The following CPEB4 variants were observed in gnomAD, a reference collection of about 807,000 sequenced individuals.
The protein encoded by CPEB4 is cytoplasmic polyadenylation element-binding protein 4.
CPEB4 carries 12 observed loss-of-function variants against 72.5 expected under a neutral mutation model. That is an observed-to-expected ratio of 0.17 (90% CI 0.11 to 0.27). CPEB4 has a LOEUF of 0.27. CPEB4 is among the 10% of genes least tolerant of loss of function. CPEB4 has a pLI of 1.00. For synonymous variants in CPEB4, 302 were observed against 326.3 expected (o/e 0.93, Z 0.80); for missense variants, 614 against 908.5 (o/e 0.68, Z 4.17).
In CPEB4 at chr5:173,943,594, G is replaced by A. The variant is rs1177870416; in HGVS notation, c.1282+545G>A. Among the ~76,000 whole-genome samples, 2 of 152,070 alleles carry A rather than the reference G, an allele frequency of 1.3e-5. 1 individual carries two copies. The highest frequency in any genetic ancestry group is 4.1e-4 in the South Asian group (2 of 4,832). On this transcript the variant is annotated intron_variant, in intron 4 of 9. Transcript: ENST00000265085. Reference sequence around the variant, plus strand: ...TTAGGTAATTCTAAAGAATCATTTCGTAGAGGTACCTGAATAACTTATTCT... The same window carrying A: ...TTAGGTAATTCTAAAGAATCATTTCATAGAGGTACCTGAATAACTTATTCT...
intron 5 of CPEB4, among the ~76,000 whole-genome samples, chr5:173,947,698 T>C (rs1395311706): frequency 1.3e-5 from 2 of 152,086 alleles, no homozygotes; most frequent in Admixed American, 6.6e-5. Context: ...ACAGAAATAG[T>C]TATAAATTTG....
intron 2 of CPEB4, among the ~76,000 whole-genome samples, chr5:173,931,454 T>C (rs1757444202): frequency 6.6e-6 from 1 of 152,204 alleles, no homozygotes; most frequent in African/African-American, 2.4e-5. Flanking sequence ...TCCTGATTTA[T>C]AGAAGGTGGG....
At chr5:173,894,745 G>T (rs556405845) in intron 1 of CPEB4, among the ~76,000 whole-genome samples, 180 of 151,894 alleles carry the variant, frequency 1.2e-3, no homozygotes, top group Non-Finnish European at 2.3e-3. Flanking sequence ...TCACAGACAA[G>T]ATTTGGCTCT....
At chr5:173,902,602 G>A (rs1407083547) in intron 1 of CPEB4, among the ~76,000 whole-genome samples, 1 of 152,106 alleles carries the variant, frequency 6.6e-6, no homozygotes, top group Non-Finnish European at 1.5e-5. Flanking sequence ...CAGCATCCAA[G>A]ACAAAAATGT....
intron 2 of CPEB4, among the ~76,000 whole-genome samples, chr5:173,911,858 A>AGGC (rs1756676630): frequency 6.6e-6 from 1 of 152,142 alleles, no homozygotes; most frequent in Non-Finnish European, 1.5e-5. Flanking sequence ...AAAGGTGACA[A>AGGC]GGCAGCCTGT....
chr5:173,945,814 T>C (rs1386437636), intron 5 of CPEB4, among the ~76,000 whole-genome samples: 1 of 152,212 alleles, frequency 6.6e-6, no homozygotes, highest in Non-Finnish European at 1.5e-5. Context: ...ATATTTAAGC[T>C]GAGACCTGAA....
intron 3 of CPEB4, among the ~76,000 whole-genome samples, chr5:173,937,184 A>G (rs1195263799): frequency 1.3e-5 from 2 of 151,978 alleles, no homozygotes; most frequent in African/African-American, 4.8e-5. Context: ...CTGAGATTAC[A>G]GGCACCTGCC....
chr5:173,928,296 G>A (rs939037296), intron 2 of CPEB4, among the ~76,000 whole-genome samples: 3 of 152,146 alleles, frequency 2.0e-5, no homozygotes, highest in African/African-American at 7.2e-5. Context: ...AACTTTGGGT[G>A]TAACAAATGT....
At chr5:173,898,005 G>T (rs1299287245) in intron 1 of CPEB4, among the ~76,000 whole-genome samples, 1 of 152,094 alleles carries the variant, frequency 6.6e-6, no homozygotes, top group African/African-American at 2.4e-5. Flanking sequence ...GCTCATTCAT[G>T]TTTACAAATG....
At chr5:173,915,734 C>G (rs796303420) in intron 2 of CPEB4, among the ~76,000 whole-genome samples, 8 of 152,250 alleles carry the variant, frequency 5.3e-5, no homozygotes, top group Admixed American at 2.0e-4. Flanking sequence ...AATATTGTAT[C>G]TTATTGTTAT....
chr5:173,893,573 GAA>G (rs35655795), intron 1 of CPEB4, among the ~76,000 whole-genome samples: 1 of 150,666 alleles, frequency 6.6e-6, no homozygotes, highest in Non-Finnish European at 1.5e-5. Context: ...TCTCACAGGG[GAA>G]AAAAAAAGAA....
At chr5:173,903,452 C>T (rs190019603) in intron 1 of CPEB4, among the ~76,000 whole-genome samples, 6 of 152,290 alleles carry the variant, frequency 3.9e-5, no homozygotes, top group South Asian at 2.1e-4. Flanking sequence ...TGCTTAACTC[C>T]GTGGTTCTCA....
chr5:173,917,379 G>C (rs776572302), intron 2 of CPEB4, among the ~76,000 whole-genome samples: 10 of 152,150 alleles, frequency 6.6e-5, no homozygotes, highest in Non-Finnish European at 1.5e-4. Flanking sequence ...CTTTTTAAAG[G>C]ATTAGATGGA....
intron 4 of CPEB4, 92 bp from the exon 5 acceptor site, chr5:173,944,875 T>C: frequency 4.6e-6 from 5 of 1,091,896 alleles, no homozygotes; most frequent in Non-Finnish European, 6.7e-6. Context: ...AGCAGCAGTT[T>C]TATTGAATCT....
intron 2 of CPEB4, chr5:173,910,812 G>A (rs1756629624): frequency 2.0e-6 from 1 of 499,824 alleles, no homozygotes; most frequent in Non-Finnish European, 3.5e-6. Flanking sequence ...CCAGGTAAGA[G>A]TACTACGTGA....
At position 173,890,575 on chromosome 5, in the gene CPEB4, C is replaced by T; in HGVS notation, c.842C>T (p.Pro281Leu). The T allele has an allele frequency of 6.2e-7, 1 of 1,614,086 alleles. No homozygotes were observed. Among genetic ancestry groups the T allele is most frequent in the Non-Finnish European group, 8.5e-7 (1 of 1,180,014 alleles). ...CATTTGGCGAATAATCTTAACAAAC[C>T]CCCCTCTCCGTGGAGCAGCTACCAG... ...LPHLANNLNK[P>L]PSPWSSYQSP... Residue 281 changes from proline to leucine, a missense_variant, in exon 1 of 10, where the codon CCC (proline) becomes CTC (leucine). By Grantham distance (98) the Pro-to-Leu change is moderately conservative. Coordinates refer to ENST00000265085, the MANE Select transcript of CPEB4 (RefSeq NM_030627.4).
intron 1 of CPEB4, among the ~76,000 whole-genome samples, chr5:173,907,198 C>T (rs58294861): frequency 8.9e-4 from 136 of 152,218 alleles, no homozygotes; most frequent in African/African-American, 3.2e-3. Context: ...ACCCGGGAGG[C>T]GGAGGTTGCA....
At chr5:173,925,308 T>C (rs73808318) in intron 2 of CPEB4, among the ~76,000 whole-genome samples, 2,111 of 152,262 alleles carry the variant, frequency 0.014, 53 homozygotes, top group African/African-American at 0.047. Context: ...TCTGTGTGTT[T>C]AGTGAATTTT....
At position 173,932,437 on chromosome 5, in the gene CPEB4, CTTTTACCT is replaced by C; in HGVS notation, c.1208-11_1208-4del. 6.2e-7 allele frequency: 1 copy of C among 1,607,482 alleles called. No individual in the cohort carries two copies. Among genetic ancestry groups the C allele is most frequent in the East Asian group, 2.2e-5 (1 of 44,680 alleles). Reference sequence around the variant, plus strand: ...AAAAAGTAAACTTAGTAACGGCCTTCTTTTACCTTCAGGTCGTCTAAACTATTCATATC... The same window carrying C: ...AAAAAGTAAACTTAGTAACGGCCTTCTCAGGTCGTCTAAACTATTCATATC... On this transcript the variant is annotated splice_polypyrimidine_tract_variant and splice_region_variant and intron_variant, in intron 2 of 9. Transcript: ENST00000265085.
Sources: gnomAD v4.1 joint callset for allele counts (sites outside exome capture counted in the v4.1 genomes callset) on GRCh38, gnomAD v4.1.1 for gene constraint, MANE v1.5 for transcripts, NCBI Gene and HGNC (gene_info 2026-07-23, HGNC 2026-07-21) for gene names.